Variants in ITGB8 observed in about 807,000 individuals in gnomAD.
The protein encoded by ITGB8 is integrin beta-8.
In ITGB8, 30 loss-of-function variants were observed where a neutral mutation model predicts 89.5. The ratio of observed to expected loss-of-function variants is 0.34; its 90% confidence interval spans 0.25 to 0.45. ITGB8 has a LOEUF of 0.45. Ranked by LOEUF, ITGB8 falls within the 20% of genes least tolerant of loss-of-function variation. The pLI, the probability that ITGB8 is intolerant of heterozygous loss-of-function variation, is 1.00. For synonymous variants in ITGB8, 335 were observed against 320.4 expected (o/e 1.05, Z -0.49); for missense variants, 836 against 933.3 (o/e 0.90, Z 1.36).
chr7:20,376,816 C>T (rs1448355022), intron 3 of ITGB8, among the ~76,000 whole-genome samples: 2 of 152,140 alleles, frequency 1.3e-5, no homozygotes, highest in African/African-American at 4.8e-5. Context: ...ACTAAAAGGC[C>T]TGTGTATGGA....
intron 7 of ITGB8, among the ~76,000 whole-genome samples, chr7:20,393,324 A>C (rs939732517): frequency 6.6e-6 from 1 of 152,242 alleles, no homozygotes; most frequent in Non-Finnish European, 1.5e-5. Context: ...ACAAAGTCAG[A>C]ATCAACTGGC....
intron 1 of ITGB8, among the ~76,000 whole-genome samples, chr7:20,336,265 A>G (rs573576603): frequency 6.6e-6 from 1 of 151,936 alleles, no homozygotes; most frequent in Non-Finnish European, 1.5e-5. Context: ...TCGGCCTCCC[A>G]AAGTGCTGGG....
At chr7:20,365,522 C>T (rs1191472841) in intron 2 of ITGB8, 2 of 152,178 alleles carry the variant, frequency 1.3e-5, no homozygotes, top group Non-Finnish European at 2.9e-5. Flanking sequence ...ACCCGCCTCA[C>T]AGTCTTGTGA....
intron 7 of ITGB8, 140 bp from the exon 8 acceptor site, chr7:20,394,756 A>G: frequency 1.6e-6 from 1 of 630,046 alleles, no homozygotes; most frequent in Non-Finnish European, 2.8e-6. Flanking sequence ...GGTTGCTTAT[A>G]TTTTTCTTGT....
chr7:20,407,985 G>A (rs1787611657), intron 12 of ITGB8, among the ~76,000 whole-genome samples: 1 of 152,176 alleles, frequency 6.6e-6, no homozygotes, highest in Non-Finnish European at 1.5e-5. Flanking sequence ...TATTGTGCAA[G>A]GAGAGGGAAA....
chr7:20,338,092 C>T (rs981205345), intron 1 of ITGB8, among the ~76,000 whole-genome samples: 3 of 152,076 alleles, frequency 2.0e-5, no homozygotes, highest in African/African-American at 4.8e-5. Context: ...GGAGAGGCAA[C>T]GCTTCACACA....
chr7:20,359,964 A>G (rs1273436089), intron 1 of ITGB8, among the ~76,000 whole-genome samples: 1 of 152,178 alleles, frequency 6.6e-6, no homozygotes, highest in East Asian at 1.9e-4. Flanking sequence ...CTAGTCCTGC[A>G]GAACCATGTG....
At chr7:20,371,991 T>C (rs375627720) in intron 3 of ITGB8, among the ~76,000 whole-genome samples, 160 of 152,312 alleles carry the variant, frequency 1.1e-3, no homozygotes, top group African/African-American at 3.8e-3. Context: ...ACTAGAAAGT[T>C]TGAACATTTT....
intron 10 of ITGB8, 57 bp downstream of exon 10, chr7:20,402,183 G>A (rs953470343): frequency 1.5e-6 from 2 of 1,375,878 alleles, no homozygotes; most frequent in South Asian, 3.0e-5. Flanking sequence ...CAGCATAGAT[G>A]TTAAAGTGTC....
intron 1 of ITGB8, among the ~76,000 whole-genome samples, chr7:20,344,989 CAG>C (rs1235234410): frequency 6.6e-6 from 1 of 151,666 alleles, no homozygotes; most frequent in Non-Finnish European, 1.5e-5. Context: ...ATTAAAGAAA[CAG>C]AATGTATAGC....
chr7:20,380,434 CTTTA>C, intron 4 of ITGB8: 1 of 450,962 alleles, frequency 2.2e-6, no homozygotes, highest in Non-Finnish European at 3.9e-6. Context: ...GTTTAATCAT[CTTTA>C]TTTTTTTGAA....
intron 1 of ITGB8, among the ~76,000 whole-genome samples, chr7:20,336,453 T>C (rs1414869715): frequency 6.6e-6 from 1 of 152,092 alleles, no homozygotes; most frequent in Non-Finnish European, 1.5e-5. Context: ...AAAACCAAAC[T>C]CCATTTTCTT....
intron 3 of ITGB8, among the ~76,000 whole-genome samples, chr7:20,372,585 G>A (rs1307006852): frequency 1.3e-5 from 2 of 152,150 alleles, no homozygotes; most frequent in Non-Finnish European, 2.9e-5. Flanking sequence ...GATAGGGGTT[G>A]GAGATAGAAG....
intron 8 of ITGB8, among the ~76,000 whole-genome samples, chr7:20,397,222 T>C (rs1055791948): frequency 9.6e-6 from 1 of 103,708 alleles, no homozygotes; most frequent in Non-Finnish European, 1.8e-5. Context: ...TCTTTTCCTT[T>C]TCTTTCTTTT....
rs543266579 is a variant in ITGB8, at chr7:20,403,075, T to C, written c.1687+949T>C. ...ACGTAACAAACCTATAAAAAATAAATGCTATAATGTAGTCTCAGCTGAAAA... is the reference window on the plus strand; with the variant it reads ...ACGTAACAAACCTATAAAAAATAAACGCTATAATGTAGTCTCAGCTGAAAA... On this transcript the variant is annotated intron_variant, in intron 10 of 13. Transcript: ENST00000222573. Among the ~76,000 whole-genome samples, 19 of 152,302 alleles carry C rather than the reference T, an allele frequency of 1.2e-4. 1 individual carries two copies. The highest frequency in any genetic ancestry group is 4.6e-4 in the African/African-American group (19 of 41,568).
chr7:20,366,919 A>C (rs34556056), intron 2 of ITGB8, 93 bp from the exon 3 acceptor site: 240,180 of 847,984 alleles, frequency 0.28, 37,114 homozygotes, highest in Middle Eastern at 0.32. Context: ...AAAATGATAT[A>C]AAATACCAAA....
At position 20,381,903 on chromosome 7, in the gene ITGB8, G is replaced by T; in HGVS notation, c.960+18G>T. 1 of 1,589,560 alleles carries T rather than the reference G, an allele frequency of 6.3e-7. No homozygotes were observed. The highest frequency in any genetic ancestry group is 8.6e-7 in the Non-Finnish European group (1 of 1,167,948). On this transcript the variant is annotated intron_variant, in intron 6 of 13. Transcript: ENST00000222573. ...CAACCATGGTAATGCAGCAGTAACC[G>T]CTTAGTAGATATGACTCTTTTGGTT...
chr7:20,360,974 G>GA (rs199890946), intron 1 of ITGB8, among the ~76,000 whole-genome samples: 5 of 141,978 alleles, frequency 3.5e-5, no homozygotes, highest in South Asian at 2.2e-4. Flanking sequence ...TAATCACTTG[G>GA]AAAAAACGTT....
At chr7:20,367,268 T>C in intron 3 of ITGB8, 82 bp downstream of exon 3, 1 of 1,043,194 alleles carries the variant, frequency 9.6e-7, no homozygotes, top group South Asian at 1.3e-5. Flanking sequence ...TTTAATATTA[T>C]GTGGCAGGCA....
Sources: allele counts gnomAD v4.1 joint callset (sites outside exome capture counted in the v4.1 genomes callset), GRCh38; gene constraint gnomAD v4.1.1; transcripts MANE v1.5; gene names NCBI Gene and HGNC (gene_info 2026-07-23, HGNC 2026-07-21).